HS3ST4: variants seen among roughly 807,000 people sequenced by gnomAD.
HS3ST4 encodes the protein heparan sulfate-glucosamine 3-sulfotransferase 4.
A neutral mutation model predicts 29.2 loss-of-function variants in HS3ST4; 17 were observed. That is an observed-to-expected ratio of 0.58 (90% CI 0.40 to 0.87). The LOEUF is 0.87. Ranked by LOEUF, HS3ST4 falls within the 40% of genes least tolerant of loss-of-function variation. The pLI is 0.00. For missense variants in HS3ST4, 627 were observed against 634.5 expected (o/e 0.99, Z 0.13); for synonymous variants, 314 against 285.7 (o/e 1.10, Z -1.00).
At chr16:25,948,779 A>G (rs1230127590) in intron 1 of HS3ST4, among the ~76,000 whole-genome samples, 7 of 152,190 alleles carry the variant, frequency 4.6e-5, no homozygotes, top group African/African-American at 9.7e-5. Flanking sequence ...GAGCACTTAT[A>G]GTGACAAAAC....
chr16:25,730,263 G>A (rs754688746), intron 1 of HS3ST4, among the ~76,000 whole-genome samples: 2 of 152,080 alleles, frequency 1.3e-5, no homozygotes, highest in Non-Finnish European at 2.9e-5. Context: ...GGTACTTTGA[G>A]CCTAAACAGT....
chr16:26,131,729 G>A (rs1163653135), intron 1 of HS3ST4, among the ~76,000 whole-genome samples: 5 of 152,196 alleles, frequency 3.3e-5, no homozygotes, highest in African/African-American at 1.2e-4. Flanking sequence ...TACTGGATCG[G>A]AGCCCCAGGT....
Position 26,086,452 on chromosome 16 carries a change from C to A in HS3ST4, c.735-49160C>A, listed in dbSNP as rs572345306. On this transcript the variant is annotated intron_variant, in intron 1 of 1. Transcript: ENST00000331351. ...GCAAGCTCCGCCTCCCAAGTTCATG[C>A]CATTCTCCTGCCTCAGCCTCCCGAG... Among the ~76,000 whole-genome samples, 329 of 152,132 alleles carry A rather than the reference C, an allele frequency of 2.2e-3. 2 individuals are homozygous for A. The highest frequency in any genetic ancestry group is 7.6e-3 in the African/African-American group (314 of 41,492).
intron 1 of HS3ST4, among the ~76,000 whole-genome samples, chr16:26,093,900 A>G (rs1898889606): frequency 1.3e-5 from 2 of 152,228 alleles, no homozygotes; most frequent in African/African-American, 2.4e-5. Context: ...TAGAATAAAC[A>G]GTGTAGAGAA....
chr16:26,021,456 T>C (rs1969413372), intron 1 of HS3ST4, among the ~76,000 whole-genome samples: 1 of 152,126 alleles, frequency 6.6e-6, no homozygotes, highest in Admixed American at 6.5e-5. Context: ...CTGTCCGCCA[T>C]TGTAGATATT....
chr16:26,019,123 C>T (rs1378222024), intron 1 of HS3ST4, among the ~76,000 whole-genome samples: 1 of 152,084 alleles, frequency 6.6e-6, no homozygotes, highest in African/African-American at 2.4e-5. Flanking sequence ...CTGCCAGTTA[C>T]TCGTCTTTTC....
intron 1 of HS3ST4, among the ~76,000 whole-genome samples, chr16:25,802,929 G>A (rs1017952727): frequency 2.4e-3 from 1 of 424 alleles, no homozygotes; most frequent in African/African-American, 3.8e-3. Flanking sequence ...AGTTATATAT[G>A]TGTGTGTGTG....
intron 1 of HS3ST4, among the ~76,000 whole-genome samples, chr16:25,905,998 A>G (rs1213778742): frequency 6.6e-6 from 1 of 152,252 alleles, no homozygotes; most frequent in African/African-American, 2.4e-5. Context: ...TTAGCAGTGC[A>G]AATGGTGCCA....
At chr16:26,090,655 A>G (rs1004625287) in intron 1 of HS3ST4, among the ~76,000 whole-genome samples, 1 of 152,076 alleles carries the variant, frequency 6.6e-6, no homozygotes, top group African/African-American at 2.4e-5. Context: ...GCCCATGTAG[A>G]AGATTTGTGC....
chr16:25,788,630 T>A, intron 1 of HS3ST4, among the ~76,000 whole-genome samples: 1 of 134,210 alleles, frequency 7.5e-6, no homozygotes, highest in East Asian at 2.4e-4. Flanking sequence ...AGCCTCAAAC[T>A]CCTGGGCTCA....
intron 1 of HS3ST4, among the ~76,000 whole-genome samples, chr16:25,830,213 T>A (rs1399776095): frequency 1.3e-5 from 2 of 152,232 alleles, no homozygotes; most frequent in Non-Finnish European, 2.9e-5. Flanking sequence ...TGGAAGATAG[T>A]AGACAATAAA....
At chr16:26,131,205 A>G (rs929620830) in intron 1 of HS3ST4, among the ~76,000 whole-genome samples, 6 of 152,100 alleles carry the variant, frequency 3.9e-5, no homozygotes, top group Admixed American at 2.0e-4. Context: ...TTTCTCTCCT[A>G]AAATTGTCTC....
intron 1 of HS3ST4, among the ~76,000 whole-genome samples, chr16:25,829,862 C>T (rs142985792): frequency 0.097 from 14,685 of 152,058 alleles, 830 homozygotes; most frequent in African/African-American, 0.15. Context: ...CTTGCTCTGT[C>T]GCCCAGGTGG....
In HS3ST4 at chr16:25,719,809, A is replaced by G. The variant is rs530826103; in HGVS notation, c.734+26658A>G. Reference sequence around the variant, plus strand: ...ATCCTCCTGCCCATAACTGGATCACATTCATTTATCATATTATCCATTTAT... The same window carrying G: ...ATCCTCCTGCCCATAACTGGATCACGTTCATTTATCATATTATCCATTTAT... On this transcript the variant is annotated intron_variant, in intron 1 of 1. Transcript: ENST00000331351. Among the ~76,000 whole-genome samples the G allele has an allele frequency of 2.0e-5, 3 of 152,330 alleles. No homozygotes were observed. In the East Asian group the frequency reaches 5.8e-4, roughly 29 times the overall value.
At chr16:26,074,368 T>G (rs953104747) in intron 1 of HS3ST4, among the ~76,000 whole-genome samples, 2 of 152,220 alleles carry the variant, frequency 1.3e-5, no homozygotes, top group Non-Finnish European at 2.9e-5. Flanking sequence ...GCAGGGACCT[T>G]GTGGCATGTT....
chr16:25,946,768 G>A (rs1374490320), intron 1 of HS3ST4, among the ~76,000 whole-genome samples: 1 of 152,172 alleles, frequency 6.6e-6, no homozygotes, highest in East Asian at 1.9e-4. Flanking sequence ...GATCAGGAAA[G>A]GCTTCTGGGA....
At chr16:25,900,648 T>C (rs1968112358) in intron 1 of HS3ST4, among the ~76,000 whole-genome samples, 1 of 152,144 alleles carries the variant, frequency 6.6e-6, no homozygotes, top group East Asian at 1.9e-4. Flanking sequence ...CGAGGAATGA[T>C]AGACTTGGGT....
intron 1 of HS3ST4, among the ~76,000 whole-genome samples, chr16:25,812,194 G>C (rs1967048404): frequency 6.6e-6 from 1 of 152,146 alleles, no homozygotes; most frequent in Non-Finnish European, 1.5e-5. Context: ...TTGCTGCTCT[G>C]AGGATCACAC....
intron 1 of HS3ST4, among the ~76,000 whole-genome samples, chr16:26,035,350 A>G (rs1238981842): frequency 6.6e-6 from 1 of 152,198 alleles, no homozygotes; most frequent in Non-Finnish European, 1.5e-5. Context: ...TAACTTCTCC[A>G]GCCCAGACAC....
Sources: gnomAD v4.1 joint callset for allele counts (sites outside exome capture counted in the v4.1 genomes callset) on GRCh38, gnomAD v4.1.1 for gene constraint, MANE v1.5 for transcripts, NCBI Gene and HGNC (gene_info 2026-07-23, HGNC 2026-07-21) for gene names.